The following RTL9 variants were observed in gnomAD, a reference collection of about 807,000 sequenced individuals.
RTL9 encodes retrotransposon Gag like 9, also known as retrotransposon Gag-like protein 9.
In RTL9, 19 loss-of-function variants were observed where a neutral mutation model predicts 44.7. The observed-to-expected ratio is 0.42, with a 90% CI of 0.30 to 0.62. The LOEUF is 0.62. Among genes scored for constraint, RTL9 ranks in the 20% least tolerant of loss-of-function variants. The pLI is 0.16. For synonymous variants in RTL9, 407 were observed against 398.9 expected (o/e 1.02, Z -0.24); for missense variants, 1,105 against 1,080.6 (o/e 1.02, Z -0.32).
At chrX:110,370,339 G>A (rs898947329) in intron 1 of RTL9, among the ~76,000 whole-genome samples, 1 of 111,456 alleles carries the variant, frequency 9.0e-6, no homozygotes, top group African/African-American at 3.3e-5. Context: ...CTCCCCAGTA[G>A]CTAGGATTAC....
In RTL9 at chrX:110,455,220, C is replaced by T. The variant is rs758271218; in HGVS notation, c.4066C>T (p.Arg1356Cys). The T allele has an allele frequency of 5.8e-6, 7 of 1,208,027 alleles. No individual in the cohort carries two copies. The East Asian group carries it at 1.5e-4, about 26-fold the overall frequency. ...CTCCCAGCACCAGCATGTTTCCAAA[C>T]GCTGTTACTACCTGAAAGAGCATGG... The change falls in exon 2 of 2, where the codon CGC becomes TGC. Residue 1356 changes from arginine to cysteine, a missense_variant. Physicochemically the swap from Arg to Cys is radical, Grantham distance 180. Coordinates refer to ENST00000540313, the Ensembl canonical transcript of RTL9.
At chrX:110,447,142 A>ATTTTTTTTTTT (rs2068913307), upstream of RTL9, among the ~76,000 whole-genome samples, 1 of 22,999 alleles carries the variant, frequency 4.3e-5, no homozygotes, top group African/African-American at 3.5e-4. Context: ...TTTTGCTTTG[A>ATTTTTTTTTTT]AGGGAGAGGA....
chrX:110,427,006 A>G (rs1483409679), intron 1 of RTL9, among the ~76,000 whole-genome samples: 3 of 112,268 alleles, frequency 2.7e-5, no homozygotes, highest in Non-Finnish European at 5.6e-5. Flanking sequence ...CAAGAGTTGT[A>G]GTTCACTCAT....
At chrX:110,370,548 G>A (rs1393163635) in intron 1 of RTL9, among the ~76,000 whole-genome samples, 1 of 112,381 alleles carries the variant, frequency 8.9e-6, no homozygotes, top group African/African-American at 3.2e-5. Context: ...TTAGCCTGAG[G>A]AAACTATCAT....
At chrX:110,368,769 G>A (rs1407044885) in intron 1 of RTL9, among the ~76,000 whole-genome samples, 1 of 111,787 alleles carries the variant, frequency 8.9e-6, no homozygotes, top group Non-Finnish European at 1.9e-5. Flanking sequence ...TCCCTAGTGT[G>A]TAATGTGGTA....
At chrX:110,454,732 T>A in intron 1 of RTL9, 68 bp downstream of exon 3, 1 of 944,547 alleles carries the variant, frequency 1.1e-6, no homozygotes, top group Non-Finnish European at 1.4e-6. Flanking sequence ...AGGGAATACA[T>A]CCTGCTTCCT....
At chrX:110,416,600 C>A (rs1292375873), upstream of RTL9, among the ~76,000 whole-genome samples, 2 of 111,851 alleles carry the variant, frequency 1.8e-5, no homozygotes, top group Non-Finnish European at 3.8e-5. Context: ...GGTTAGCATG[C>A]TACCCCCTGT....
chrX:110,449,797 A>G (rs2068928616), upstream of RTL9, among the ~76,000 whole-genome samples: 1 of 112,259 alleles, frequency 8.9e-6, no homozygotes, highest in Admixed American at 9.4e-5. Context: ...CTAATCTGAG[A>G]AAGCTTGTAA....
upstream of RTL9, among the ~76,000 whole-genome samples, chrX:110,449,542 G>A (rs906267426): frequency 1.8e-5 from 2 of 112,621 alleles, no homozygotes; most frequent in African/African-American, 6.5e-5. Context: ...CCCCTTCTGG[G>A]CTGCTTATTG....
intron 1 of RTL9, among the ~76,000 whole-genome samples, chrX:110,388,196 C>T (rs2068471139): frequency 1.8e-5 from 2 of 111,640 alleles, no homozygotes. Context: ...GACATTGTAA[C>T]ATCCCAAACT....
At chrX:110,453,276 C>T (rs2068957737) in exon 1 of RTL9, 1 of 1,210,078 alleles carries the variant, frequency 8.3e-7, no homozygotes. Context: ...CATGTGCACA[C>T]TACCAGTGCG....
chrX:110,402,107 C>T (rs946551411), intron 1 of RTL9, among the ~76,000 whole-genome samples: 1 of 112,370 alleles, frequency 8.9e-6, no homozygotes, highest in Non-Finnish European at 1.9e-5. Flanking sequence ...GATAATCTCT[C>T]TTGATATCAA....
chrX:110,391,344 C>T (rs991979534), intron 1 of RTL9, among the ~76,000 whole-genome samples: 2 of 111,963 alleles, frequency 1.8e-5, no homozygotes, highest in Non-Finnish European at 3.8e-5. Context: ...GTTTTCCCAA[C>T]CATCATGCTT....
intron 1 of RTL9, among the ~76,000 whole-genome samples, chrX:110,375,364 G>A (rs1474518104): frequency 9.0e-6 from 1 of 111,577 alleles, no homozygotes; most frequent in African/African-American, 3.3e-5. Context: ...CCTACTAACC[G>A]CACAACTTTG....
chrX:110,451,940 G>GA lies in RTL9; in HGVS notation c.1324dup (p.Met442AsnfsTer20). On this transcript the variant is annotated frameshift_variant, in exon 1 of 2. Coordinates refer to ENST00000540313, the Ensembl canonical transcript of RTL9. LOFTEE classifies it high-confidence loss of function. The stretch of plus-strand genomic sequence containing the variant: ...CCTCTGGAGCCATGACCACCTCACT[G>GA]ATGACAGTCCCAAGCTCTGGAGTGA... 1 of 1,210,314 alleles carries GA rather than the reference G, an allele frequency of 8.3e-7. No homozygotes were observed.
intron 1 of RTL9, among the ~76,000 whole-genome samples, chrX:110,421,211 C>A (rs1014771342): frequency 1.8e-5 from 2 of 112,260 alleles, no homozygotes; most frequent in South Asian, 3.7e-4. Context: ...TTCAAGGGAC[C>A]AAGCAGGATT....
At chrX:110,361,362 A>G (rs2068262187) in intron 1 of RTL9, among the ~76,000 whole-genome samples, 1 of 111,213 alleles carries the variant, frequency 9.0e-6, no homozygotes, top group South Asian at 3.8e-4. Flanking sequence ...TGCTTCCTGG[A>G]TTATATTGCA....
At chrX:110,440,648 C>T (rs2068873671) in intron 1 of RTL9, among the ~76,000 whole-genome samples, 1 of 112,221 alleles carries the variant, frequency 8.9e-6, no homozygotes, top group African/African-American at 3.2e-5. Context: ...AATAGCAGTG[C>T]CCTGTTTTCT....
At chrX:110,377,912 G>A (rs2148270551) in intron 1 of RTL9, among the ~76,000 whole-genome samples, 1 of 105,814 alleles carries the variant, frequency 9.5e-6, no homozygotes, top group South Asian at 4.4e-4. Flanking sequence ...GGGAGGCTGA[G>A]GCAGGAGAAT....
Sources: gnomAD v4.1 joint callset for allele counts (sites outside exome capture counted in the v4.1 genomes callset) on GRCh38, gnomAD v4.1.1 for gene constraint, MANE v1.5 for transcripts, NCBI Gene and HGNC (gene_info 2026-07-23, HGNC 2026-07-21) for gene names.